The following PEAK1 variants were observed in gnomAD, a reference collection of about 807,000 sequenced individuals.
The protein encoded by PEAK1 is pseudopodium enriched atypical kinase 1, also known as inactive tyrosine-protein kinase PEAK1.
A neutral mutation model predicts 124.7 loss-of-function variants in PEAK1; 54 were observed. The ratio of observed to expected loss-of-function variants is 0.43; its 90% CI spans 0.35 to 0.54. The LOEUF (loss-of-function observed/expected upper bound fraction) is 0.54. PEAK1 is among the 20% of genes least tolerant of loss of function. The pLI is 0.01. For synonymous variants in PEAK1, 719 were observed against 760.0 expected, an observed-to-expected ratio of 0.95 and a Z score of 0.89; for missense variants, 2,046 against 2,134.5, an observed-to-expected ratio of 0.96 and a Z score of 0.82.
intron 2 of PEAK1, chr15:77,346,184 C>A: frequency 1.0e-6 from 1 of 970,514 alleles, no homozygotes; most frequent in Non-Finnish European, 1.2e-6. Context: ...TTAAATCTAC[C>A]CTTTTGGCAT....
chr15:77,358,088 C>T (rs2067636985), intron 2 of PEAK1, among the ~76,000 whole-genome samples: 2 of 152,176 alleles, frequency 1.3e-5, no homozygotes, highest in South Asian at 4.1e-4. Context: ...AGAAGCCATT[C>T]CCGGCAAATC....
chr15:77,291,706 G>A (rs781629663), intron 2 of PEAK1, among the ~76,000 whole-genome samples: 19 of 152,002 alleles, frequency 1.2e-4, no homozygotes, highest in East Asian at 3.9e-4. Flanking sequence ...GGCCAGGCGC[G>A]GTGGCTCACG....
At chr15:77,418,541 C>G (rs934847753) in intron 1 of PEAK1, 10 of 984,942 alleles carry the variant, frequency 1.0e-5, no homozygotes, top group Non-Finnish European at 1.2e-5. Context: ...AGGCTATAAC[C>G]CTCAACTTTG....
intron 2 of PEAK1, among the ~76,000 whole-genome samples, chr15:77,331,900 G>T (rs1420878393): frequency 6.6e-6 from 1 of 151,774 alleles, no homozygotes; most frequent in Non-Finnish European, 1.5e-5. Context: ...ACAGGCATAA[G>T]CCACTGTGCC....
Position 77,388,751 on chromosome 15 carries a change from CTCT to C in PEAK1, c.-665-23529_-665-23527del, listed in dbSNP as rs568597481. On this transcript the variant is annotated intron_variant, in intron 1 of 9. Transcript: ENST00000682557. Reference sequence around the variant, plus strand: ...CAACTGCTAATATTCTCTTCATCCTCTCTTCTACAGTTTCAAGTTTGAATTCTG... The same window carrying C: ...CAACTGCTAATATTCTCTTCATCCTCTCTACAGTTTCAAGTTTGAATTCTG... Among the ~76,000 whole-genome samples, 764 of 151,394 alleles carry C rather than the reference CTCT, an allele frequency of 5.0e-3. 2 individuals are homozygous for C. The highest frequency in any genetic ancestry group is 7.8e-3 in the Non-Finnish European group (529 of 67,870).
chr15:77,180,303 G>A lies in PEAK1; in HGVS notation c.1624C>T (p.Arg542Ter), dbSNP rs2057171217. The A allele has an allele frequency of 3.7e-6, 6 of 1,613,924 alleles. No individual in the cohort carries two copies. Among genetic ancestry groups the A allele is most frequent in the African/African-American group, 1.3e-5 (1 of 74,886 alleles). The part of the protein sequence containing the change: ...QEVWTSSTSP[R>*]QKIPKVELIT... ...AGTTCTACTTTAGGTATCTTTTGTC[G>A]TGGACTGGTGCTAGAAGTCCATACT... The change falls in exon 7 of 10, where the codon CGA becomes TGA. Residue 542 changes from arginine (R) to a stop codon, truncating the protein, a stop_gained. Coordinates refer to ENST00000682557, the MANE Select transcript of PEAK1 (RefSeq NM_001385026.1). LOFTEE classifies it high-confidence loss of function.
intron 1 of PEAK1, among the ~76,000 whole-genome samples, chr15:77,382,274 T>G (rs781716387): frequency 2.0e-5 from 3 of 152,212 alleles, no homozygotes; most frequent in Admixed American, 6.5e-5. Flanking sequence ...CCCCTAATAT[T>G]TGACACCCAA....
chr15:77,211,347 A>C (rs1460656913), intron 6 of PEAK1, among the ~76,000 whole-genome samples: 3 of 152,190 alleles, frequency 2.0e-5, no homozygotes, highest in Admixed American at 6.5e-5. Context: ...TACACAAATA[A>C]AGGAATACTG....
intron 2 of PEAK1, among the ~76,000 whole-genome samples, chr15:77,331,627 A>AT (rs989792703): frequency 2.0e-5 from 3 of 151,360 alleles, no homozygotes; most frequent in East Asian, 2.0e-4. Context: ...TTACTTACTT[A>AT]TTTTTTTTGA....
In PEAK1 at chr15:77,279,181, T is replaced by G. The variant is rs74813314; in HGVS notation, c.-275+4702A>C. Among the ~76,000 whole-genome samples the G allele has an allele frequency of 5.0e-3, 755 of 151,910 alleles. 3 individuals are homozygous for G. Among genetic ancestry groups the G allele is most frequent in the African/African-American group, 0.016 (652 of 41,420 alleles). On this transcript the variant is annotated intron_variant, in intron 5 of 9. Coordinates refer to ENST00000682557, the MANE Select transcript of PEAK1 (RefSeq NM_001385026.1). ...CACACAGAACACTTACTGTTGTTTT[T>G]GGGGGAAGGGGCATATGTCACTAAT...
intron 1 of PEAK1, among the ~76,000 whole-genome samples, chr15:77,384,087 C>T (rs1186916104): frequency 2.0e-5 from 3 of 152,002 alleles, no homozygotes; most frequent in Non-Finnish European, 4.4e-5. Flanking sequence ...AGTGGGGTTT[C>T]CCTTATTTAC....
chr15:77,301,807 G>A (rs115015607), intron 2 of PEAK1, among the ~76,000 whole-genome samples: 1,699 of 152,278 alleles, frequency 0.011, 42 homozygotes, highest in African/African-American at 0.039. Context: ...TCCATTGAGG[G>A]TGGAATGTCT....
intron 2 of PEAK1, among the ~76,000 whole-genome samples, chr15:77,316,859 C>G (rs1056418747): frequency 2.0e-5 from 3 of 152,116 alleles, no homozygotes; most frequent in Non-Finnish European, 4.4e-5. Context: ...AGGCAGAAAA[C>G]CTGAGGCCGA....
rs2066299636 is a variant in PEAK1 at position 77,337,927 on chromosome 15, G to A, written c.-603+27236C>T. The A allele has an allele frequency of 3.0e-6, 3 of 984,380 alleles. No individual in the cohort carries two copies. The South Asian group carries it at 1.4e-4, about 46-fold the overall frequency. 61.0% of individuals were successfully genotyped at this position (984,380 alleles called of 1,614,324 possible). Reference sequence around the variant, plus strand: ...TACAGCTAAATCTGTCAATAATTTGGGGGTGCTGATAGAAAAAAATAATCT... The same window carrying A: ...TACAGCTAAATCTGTCAATAATTTGAGGGTGCTGATAGAAAAAAATAATCT... On this transcript the variant is annotated intron_variant, in intron 2 of 9. Transcript: ENST00000682557.
At chr15:77,124,412 G>T (rs983587250) in intron 9 of PEAK1, among the ~76,000 whole-genome samples, 1 of 152,124 alleles carries the variant, frequency 6.6e-6, no homozygotes, top group Non-Finnish European at 1.5e-5. Context: ...CTGCCCTATG[G>T]GCATAACCCA....
At chr15:77,128,493 A>G (rs1374454614) in intron 9 of PEAK1, among the ~76,000 whole-genome samples, 1 of 152,196 alleles carries the variant, frequency 6.6e-6, no homozygotes, top group Non-Finnish European at 1.5e-5. Context: ...TAGGATAACC[A>G]TGACCAGTGC....
chr15:77,385,490 GGTT>G (rs1268937292), intron 1 of PEAK1, among the ~76,000 whole-genome samples: 1 of 152,146 alleles, frequency 6.6e-6, no homozygotes, highest in Non-Finnish European at 1.5e-5. Flanking sequence ...GGGATGCTCT[GGTT>G]GTTAACTTCA....
chr15:77,185,253 C>T (rs1341230058), intron 6 of PEAK1, among the ~76,000 whole-genome samples: 1 of 152,188 alleles, frequency 6.6e-6, no homozygotes, highest in African/African-American at 2.4e-5. Context: ...ACCCTGCATA[C>T]AAGACAGTAT....
intron 2 of PEAK1, among the ~76,000 whole-genome samples, chr15:77,293,687 A>G (rs1361703189): frequency 6.6e-6 from 1 of 152,232 alleles, no homozygotes; most frequent in Admixed American, 6.5e-5. Flanking sequence ...AGAATGTAAA[A>G]GGTTAACTAA....
Sources: gnomAD v4.1 joint callset for allele counts (sites outside exome capture counted in the v4.1 genomes callset) on GRCh38, gnomAD v4.1.1 for gene constraint, MANE v1.5 for transcripts, NCBI Gene and HGNC (gene_info 2026-07-23, HGNC 2026-07-21) for gene names.